Variants in CD300A observed in about 807,000 individuals in gnomAD.
The protein encoded by CD300A is CD300a molecule.
Under a neutral mutation model 33.6 loss-of-function variants are expected in CD300A, and 22 were observed. The ratio of observed to expected loss-of-function variants is 0.66; its 90% CI spans 0.47 to 0.94. The LOEUF (loss-of-function observed/expected upper bound fraction) is 0.94, where lower values mean the gene tolerates loss of function less well. Ranked by LOEUF, CD300A falls within the 40% of genes least tolerant of loss-of-function variation. The pLI is 0.00. For synonymous variants in CD300A, 136 were observed against 148.1 expected (o/e 0.92, Z 0.59); for missense variants, 326 against 360.5 (o/e 0.90, Z 0.77).
chr17:74,480,737 T>C lies in CD300A; in HGVS notation c.629-552T>C, dbSNP rs953217281. Among the ~76,000 whole-genome samples, 1 of 132,070 alleles carries C rather than the reference T, an allele frequency of 7.6e-6. No individual in the cohort carries two copies. The highest frequency in any genetic ancestry group is 2.6e-5 in the African/African-American group (1 of 38,220). The allele number at this position is 132,070 out of a possible 152,430, so 86.6% of individuals were successfully genotyped here. Reference sequence around the variant, plus strand: ...CTCTCCTCCAGCTGGGAGCTTTCTTTCCTTTCTTTCTTTCTTTTTTTCGTT... The same window carrying C: ...CTCTCCTCCAGCTGGGAGCTTTCTTCCCTTTCTTTCTTTCTTTTTTTCGTT... On this transcript the variant is annotated intron_variant, in intron 4 of 6. Coordinates refer to ENST00000360141, the MANE Select transcript of CD300A (RefSeq NM_007261.4). The surrounding 1 kb of genome is among the most constrained non-coding windows in gnomAD (Gnocchi z 4.2).
At chr17:74,466,502 G>A (rs894369171), upstream of CD300A, 62 of 620,042 alleles carry the variant, frequency 1.0e-4, no homozygotes, top group African/African-American at 1.1e-3. Flanking sequence ...AGGACGTGCC[G>A]TTTCTAGGGA....
At chr17:74,481,930 G>A in intron 6 of CD300A, 97 bp downstream of exon 6, 2 of 860,806 alleles carry the variant, frequency 2.3e-6, no homozygotes, top group East Asian at 5.4e-5. Flanking sequence ...GGGTCGGCTT[G>A]GTGATCTTGT....
intron 2 of CD300A, 59 bp from the exon 3 acceptor site, chr17:74,474,473 T>C: frequency 6.3e-7 from 1 of 1,577,234 alleles, no homozygotes; most frequent in Non-Finnish European, 8.7e-7. Flanking sequence ...AAAGGCATCC[T>C]GAGTGGTGGG....
intron 3 of CD300A, among the ~76,000 whole-genome samples, chr17:74,475,931 A>G (rs1195007417): frequency 6.7e-6 from 1 of 148,210 alleles, no homozygotes; most frequent in East Asian, 2.0e-4. Context: ...GGACCAGCCA[A>G]TGCAGAGACA....
chr17:74,471,089 C>T (rs550164166), intron 1 of CD300A, among the ~76,000 whole-genome samples: 5 of 152,168 alleles, frequency 3.3e-5, no homozygotes, highest in Non-Finnish European at 7.3e-5. Flanking sequence ...TGGGACCACA[C>T]GTGTGCACCA....
At chr17:74,470,545 G>A (rs1453209516) in intron 1 of CD300A, among the ~76,000 whole-genome samples, 1 of 152,152 alleles carries the variant, frequency 6.6e-6, no homozygotes, top group African/African-American at 2.4e-5. Flanking sequence ...GCCAAAACAT[G>A]GACAAAGAAA....
chr17:74,477,287 G>T (rs1906528479), intron 3 of CD300A, 149 bp from the exon 4 acceptor site: 1 of 548,056 alleles, frequency 1.8e-6, no homozygotes, highest in Non-Finnish European at 3.2e-6. Flanking sequence ...AGGGGTTCAA[G>T]GCTGCAGTGA....
Position 74,474,664 on chromosome 17 carries a change from C to G in CD300A, c.512C>G (p.Thr171Ser), listed in dbSNP as rs761687016. 66 of 1,614,054 alleles carry G rather than the reference C, an allele frequency of 4.1e-5. No homozygotes were observed. In the South Asian group the frequency reaches 6.9e-4, roughly 17 times the overall value. ...CACAGTGCCAGCATCCAGGAGGAAACTGAGGAGGTGGTGAACTCACAGTAA... is the reference window on the plus strand; with the variant it reads ...CACAGTGCCAGCATCCAGGAGGAAAGTGAGGAGGTGGTGAACTCACAGTAA... ...ATHSASIQEE[T>S]EEVVNSQLPL... The change falls in exon 3 of 7, where the codon ACT becomes AGT. Residue 171 changes from threonine to serine, a missense_variant. Thr to Ser is a moderately conservative substitution (Grantham distance 58, BLOSUM62 1). Transcript: ENST00000360141.
At chr17:74,466,607 A>G, upstream of CD300A, 1 of 1,368,596 alleles carries the variant, frequency 7.3e-7, no homozygotes, top group Non-Finnish European at 1.0e-6. Flanking sequence ...CGGCACCAAG[A>G]AAAGCAGAAG....
At chr17:74,478,529 T>G (rs899535611) in intron 4 of CD300A, among the ~76,000 whole-genome samples, 4 of 152,252 alleles carry the variant, frequency 2.6e-5, no homozygotes, top group Admixed American at 2.6e-4. Flanking sequence ...ATAGGCAAAT[T>G]GAATAAGCAC....
chr17:74,466,940 C>A, intron 1 of CD300A, 197 bp downstream of exon 1: 1 of 1,442,362 alleles, frequency 6.9e-7, no homozygotes, highest in East Asian at 2.5e-5. Flanking sequence ...AGGGCCTCTC[C>A]CGGCTCTGCA....
At chr17:74,470,941 T>C (rs1906059481) in intron 1 of CD300A, among the ~76,000 whole-genome samples, 1 of 151,978 alleles carries the variant, frequency 6.6e-6, no homozygotes, top group Admixed American at 6.6e-5. Context: ...CATGAGCCAC[T>C]GCACCTGGCC....
intron 3 of CD300A, among the ~76,000 whole-genome samples, chr17:74,476,452 A>G (rs9302977): frequency 0.15 from 22,972 of 152,152 alleles, 3,874 homozygotes; most frequent in African/African-American, 0.42. Context: ...TAGCCTGTAG[A>G]TACACATAGG....
chr17:74,466,742 A>G lies in CD300A; in HGVS notation c.39A>G (p.Pro13=), dbSNP rs145735358. 2 of 1,590,878 alleles carry G rather than the reference A, an allele frequency of 1.3e-6. No homozygotes were observed. The highest frequency in any genetic ancestry group is 1.7e-6 in the Non-Finnish European group (2 of 1,168,130). ...GGGCTCTGTTGCTTCTCTGGGTCCC[A>G]GGTGAGAGTTTCCCTTCCCGGGAAA... ...LPWALLLLWV[P]GCFALSKCRT... The change falls in exon 1 of 7, where the codon CCA becomes CCG. Residue 13 remains proline (P), a splice_region_variant and synonymous_variant. Coordinates refer to ENST00000360141, the MANE Select transcript of CD300A (RefSeq NM_007261.4).
In CD300A at chr17:74,481,726, G is replaced by T; in HGVS notation, c.667G>T (p.Ala223Ser). ...HSELSQNPKQ[A>S]ATQSELHYAN... The stretch of plus-strand genomic sequence containing the variant: ...CACCTGGGACCTCCTGCCCACCCAG[G>T]CTGCCACGCAGAGTGAGCTGCACTA... The change falls in exon 6 of 7, where the codon GCT becomes TCT. Residue 223 changes from alanine to serine, a missense_variant and splice_region_variant. Ala to Ser is a moderately conservative substitution (Grantham distance 99). Coordinates refer to ENST00000360141, the MANE Select transcript of CD300A (RefSeq NM_007261.4). 1 of 1,606,072 alleles carries T rather than the reference G, an allele frequency of 6.2e-7. No individual in the cohort carries two copies.
intron 4 of CD300A, among the ~76,000 whole-genome samples, chr17:74,477,927 G>T (rs1046606532): frequency 6.6e-6 from 1 of 152,106 alleles, no homozygotes; most frequent in Non-Finnish European, 1.5e-5. Flanking sequence ...ACACAACAAG[G>T]CTCCCGTGTC....
intron 3 of CD300A, 120 bp downstream of exon 3, chr17:74,474,805 C>T: frequency 8.9e-7 from 1 of 1,126,004 alleles, no homozygotes; most frequent in Non-Finnish European, 1.2e-6. Context: ...GCCCCAGGCC[C>T]AGGTTGGAAG....
Position 74,473,684 on chromosome 17 carries a change from G to A in CD300A, c.189G>A (p.Glu63=). 1 of 1,614,262 alleles carries A rather than the reference G, an allele frequency of 6.2e-7. No individual in the cohort carries two copies. ...TTTTCCTATGTGACAAGATTGTGGA[G>A]ACCAAAGGGTCAGCAGGAAAAAGGA... ...PQIFLCDKIV[E]TKGSAGKRNG... The change falls in exon 2 of 7, where the codon GAG becomes GAA. Residue 63 remains glutamate, a synonymous_variant. Coordinates refer to ENST00000360141, the MANE Select transcript of CD300A (RefSeq NM_007261.4).
intron 1 of CD300A, among the ~76,000 whole-genome samples, chr17:74,467,973 G>C (rs754448629): frequency 2.0e-5 from 3 of 152,002 alleles, no homozygotes; most frequent in Non-Finnish European, 2.9e-5. Flanking sequence ...TTAGGAAGAA[G>C]GGATCCACCA....
Sources: allele counts gnomAD v4.1 joint callset (sites outside exome capture counted in the v4.1 genomes callset), GRCh38; gene constraint gnomAD v4.1.1; non-coding constraint Gnocchi (gnomAD v3.1); transcripts MANE v1.5; gene names NCBI Gene and HGNC (gene_info 2026-07-23, HGNC 2026-07-21).